The following TRPC1 variants were observed in gnomAD, a reference collection of about 807,000 sequenced individuals.
The protein encoded by TRPC1 is transient receptor potential cation channel subfamily C member 1.
In TRPC1, 42 loss-of-function variants were observed where a neutral mutation model predicts 88.2. The observed-to-expected ratio is 0.48, with a 90% CI of 0.37 to 0.62. The LOEUF (loss-of-function observed/expected upper bound fraction) is 0.62. TRPC1 is among the 20% of genes least tolerant of loss of function. The pLI is 0.00. For synonymous variants in TRPC1, 288 were observed against 331.8 expected, an observed-to-expected ratio of 0.87 and a Z score of 1.43; for missense variants, 699 against 957.3, an observed-to-expected ratio of 0.73 and a Z score of 3.56.
chr3:142,752,108 G>T (rs1293030641), intron 4 of TRPC1, among the ~76,000 whole-genome samples: 3 of 152,100 alleles, frequency 2.0e-5, no homozygotes, highest in African/African-American at 7.2e-5. Flanking sequence ...GAGAGACGGA[G>T]AAAAGAAATA....
intron 4 of TRPC1, among the ~76,000 whole-genome samples, chr3:142,768,192 C>T (rs1560106634): frequency 6.6e-6 from 1 of 151,914 alleles, no homozygotes; most frequent in Non-Finnish European, 1.5e-5. Flanking sequence ...CTATAAATTT[C>T]AGTTTGGTCA....
intron 9 of TRPC1, 51 bp downstream of exon 9, chr3:142,793,018 A>T (rs756889521): frequency 2.1e-5 from 30 of 1,441,916 alleles, no homozygotes; most frequent in Non-Finnish European, 2.8e-5. Context: ...CATTATTGTT[A>T]CATCTTTCTC....
intron 4 of TRPC1, among the ~76,000 whole-genome samples, chr3:142,768,947 A>G (rs1325842321): frequency 6.6e-6 from 1 of 152,150 alleles, no homozygotes; most frequent in African/African-American, 2.4e-5. Context: ...TAGAAATGCA[A>G]GAAAAAATAT....
chr3:142,787,569 T>C (rs1260841829), intron 7 of TRPC1, among the ~76,000 whole-genome samples: 1 of 152,232 alleles, frequency 6.6e-6, no homozygotes, highest in East Asian at 1.9e-4. Context: ...CTATTAAACA[T>C]AATAGAATGG....
At chr3:142,772,794 A>T (rs1004787588) in intron 4 of TRPC1, among the ~76,000 whole-genome samples, 3 of 152,148 alleles carry the variant, frequency 2.0e-5, no homozygotes, top group Non-Finnish European at 2.9e-5. Flanking sequence ...CTCAAAAAAA[A>T]ACCCAAATTT....
chr3:142,797,173 TTG>T (rs1238673491), intron 9 of TRPC1, among the ~76,000 whole-genome samples: 7 of 145,050 alleles, frequency 4.8e-5, no homozygotes, highest in Non-Finnish European at 9.2e-5. Context: ...GGAAAAAAGG[TTG>T]TTTTTTTTTT....
chr3:142,736,486 A>G lies in TRPC1; in HGVS notation c.280A>G (p.Asn94Asp). ...GRNAVTITIE[N>D]ENLDILQLLL... ...AAATGCTGTTACCATAACTATTGAA[A>G]ACGAAAACTTGGATATACTGCAGCT... is the stretch of plus-strand genomic sequence containing the variant. The change falls in exon 2 of 13, where the codon AAC becomes GAC. Residue 94 changes from asparagine to aspartate, a missense_variant. Around this residue, in one of 4 missense-constraint regions of TRPC1, gnomAD observed 157 missense variants for 127.0 expected, o/e 1.24. Transcript: ENST00000476941. 7 of 1,612,098 alleles carry G rather than the reference A, an allele frequency of 4.3e-6. No homozygotes were observed. The highest frequency in any genetic ancestry group is 5.9e-6 in the Non-Finnish European group (7 of 1,179,274).
intron 5 of TRPC1, among the ~76,000 whole-genome samples, chr3:142,779,468 G>A (rs953772940): frequency 2.0e-5 from 3 of 152,170 alleles, no homozygotes; most frequent in East Asian, 1.9e-4. Context: ...GAATATTTTT[G>A]TAATAATATA....
chr3:142,754,928 A>T (rs35862982), intron 4 of TRPC1, among the ~76,000 whole-genome samples: 2 of 151,964 alleles, frequency 1.3e-5, no homozygotes, highest in African/African-American at 2.4e-5. Flanking sequence ...TGATTTTGAT[A>T]TGAGAATGAA....
chr3:142,725,397 G>T (rs1460983031), intron 1 of TRPC1, among the ~76,000 whole-genome samples: 1 of 152,146 alleles, frequency 6.6e-6, no homozygotes, highest in Non-Finnish European at 1.5e-5. Flanking sequence ...TTATTGGAGA[G>T]AAAGATTTAT....
At chr3:142,777,903 A>C (rs1457888653) in intron 5 of TRPC1, 140 bp downstream of exon 5, 1 of 864,152 alleles carries the variant, frequency 1.2e-6, no homozygotes. Flanking sequence ...TTGGCAACAG[A>C]CCCCTGCTCT....
intron 4 of TRPC1, among the ~76,000 whole-genome samples, chr3:142,754,089 C>CA (rs10609600): frequency 0.011 from 894 of 85,098 alleles, 5 homozygotes; most frequent in East Asian, 0.019. Flanking sequence ...GACTCCGTCT[C>CA]AAAAAAAAAA....
chr3:142,728,786 G>A (rs1315337751), intron 1 of TRPC1, among the ~76,000 whole-genome samples: 1 of 152,150 alleles, frequency 6.6e-6, no homozygotes, highest in Non-Finnish European at 1.5e-5. Flanking sequence ...TATATATAAT[G>A]GGCCTTTAAA....
chr3:142,790,156 T>TGAG (rs1057274115), intron 7 of TRPC1, among the ~76,000 whole-genome samples: 3 of 151,464 alleles, frequency 2.0e-5, no homozygotes, highest in Admixed American at 6.6e-5. Flanking sequence ...GATCTCTGGG[T>TGAG]GAGGAGGGTC....
intron 6 of TRPC1, among the ~76,000 whole-genome samples, chr3:142,783,744 TTC>T (rs1936038839): frequency 1.3e-5 from 2 of 152,224 alleles, no homozygotes; most frequent in South Asian, 4.1e-4. Context: ...ACAAATTATA[TTC>T]TGTTTTGGGA....
intron 4 of TRPC1, among the ~76,000 whole-genome samples, chr3:142,762,521 C>G (rs184330039): frequency 3.3e-5 from 5 of 149,560 alleles, no homozygotes; most frequent in African/African-American, 1.2e-4. Flanking sequence ...CTCCACCTCC[C>G]GGGTTGAAGC....
At chr3:142,739,147 T>C (rs528065346) in intron 2 of TRPC1, among the ~76,000 whole-genome samples, 28 of 152,162 alleles carry the variant, frequency 1.8e-4, no homozygotes, top group Admixed American at 1.6e-3. Context: ...GCTAATTTTG[T>C]ATTTTTAGTA....
At chr3:142,763,781 G>A (rs1935272083) in intron 4 of TRPC1, among the ~76,000 whole-genome samples, 1 of 150,670 alleles carries the variant, frequency 6.6e-6, no homozygotes, top group Admixed American at 6.6e-5. Context: ...GTCTTCCTTT[G>A]TAGTTAAGTG....
At chr3:142,802,778 TTC>T (rs1336309760) in intron 10 of TRPC1, among the ~76,000 whole-genome samples, 1 of 152,184 alleles carries the variant, frequency 6.6e-6, no homozygotes, top group Non-Finnish European at 1.5e-5. Context: ...TCATTAGAAC[TTC>T]ATGAACATTT....
Sources: gnomAD v4.1 joint callset for allele counts (sites outside exome capture counted in the v4.1 genomes callset) on GRCh38, gnomAD v4.1.1 for gene constraint, gnomAD v4.1.1 regional missense constraint, MANE v1.5 for transcripts, NCBI Gene and HGNC (gene_info 2026-07-23, HGNC 2026-07-21) for gene names.